Variants in KCNB2 observed in about 807,000 individuals in gnomAD.
KCNB2 encodes the protein potassium voltage-gated channel subfamily B member 2.
Under a neutral mutation model 61.5 loss-of-function variants are expected in KCNB2, and 15 were observed. The observed-to-expected ratio is 0.24, with a 90% confidence interval of 0.16 to 0.38. The LOEUF (loss-of-function observed/expected upper bound fraction) is 0.38. Among genes scored for constraint, KCNB2 ranks in the 10% least tolerant of loss-of-function variants. KCNB2 has a pLI of 1.00. For synonymous variants in KCNB2, 457 were observed against 446.0 expected (o/e 1.02, Z -0.31); for missense variants, 828 against 1,125.2 (o/e 0.74, Z 3.78).
At chr8:72,637,159 A>T (rs1431711061) in intron 2 of KCNB2, among the ~76,000 whole-genome samples, 2 of 152,276 alleles carry the variant, frequency 1.3e-5, no homozygotes, top group Middle Eastern at 3.4e-3. Flanking sequence ...CCTCTGACTC[A>T]GTTTCTGCTA....
intron 2 of KCNB2, among the ~76,000 whole-genome samples, chr8:72,817,778 A>C (rs2958422): frequency 0.092 from 14,029 of 152,196 alleles, 1,153 homozygotes; most frequent in East Asian, 0.48. Context: ...AAACAAGTGA[A>C]GGCAATGGCT....
At chr8:72,788,620 C>G (rs1808882146) in intron 2 of KCNB2, among the ~76,000 whole-genome samples, 2 of 151,992 alleles carry the variant, frequency 1.3e-5, no homozygotes, top group Admixed American at 1.3e-4. Flanking sequence ...GCAGAAATGA[C>G]CCGTCATGAA....
chr8:72,595,121 A>G (rs1012103945), intron 2 of KCNB2, among the ~76,000 whole-genome samples: 1 of 151,988 alleles, frequency 6.6e-6, no homozygotes, highest in African/African-American at 2.4e-5. Context: ...TCTTGCCATT[A>G]GCAACAAGTC....
At position 72,936,048 on chromosome 8, in the gene KCNB2, C is replaced by A. The variant is rs761005146; in HGVS notation, c.693C>A (p.Arg231=). 6.2e-7 allele frequency: 1 copy of A among 1,614,180 alleles called. No homozygotes were observed. The highest frequency in any genetic ancestry group is 2.2e-5 in the East Asian group (1 of 44,874). The change falls in exon 3 of 3, where the codon CGC becomes CGA. Residue 231 remains arginine, a synonymous_variant. Transcript: ENST00000523207. This position sits in a 1 kb window ranked among gnomAD's most constrained non-coding sequence, Gnocchi z 5.6. ...TDEFGQLNDN[R]QLAHVEAVCI... is the part of the protein sequence containing the mutation. ...AATTTGGACAACTCAATGACAACCG[C>A]CAATTAGCACACGTGGAGGCTGTGT...
chr8:72,825,910 T>C (rs1809588737), intron 2 of KCNB2, among the ~76,000 whole-genome samples: 1 of 152,186 alleles, frequency 6.6e-6, no homozygotes, highest in East Asian at 1.9e-4. Context: ...TATAGTCCAA[T>C]GTATCTATTT....
intron 2 of KCNB2, among the ~76,000 whole-genome samples, chr8:72,692,676 CT>C (rs1256440574): frequency 6.6e-5 from 10 of 151,808 alleles, no homozygotes; most frequent in African/African-American, 2.4e-4. Context: ...TATAAGACAG[CT>C]TTTATATTTC....
chr8:72,683,107 A>G (rs951718368), intron 2 of KCNB2, among the ~76,000 whole-genome samples: 7 of 152,222 alleles, frequency 4.6e-5, no homozygotes, highest in Non-Finnish European at 1.0e-4. Context: ...AACAGTGTTT[A>G]TCCTGGCATA....
intron 2 of KCNB2, among the ~76,000 whole-genome samples, chr8:72,772,915 C>G (rs778562010): frequency 1.3e-5 from 2 of 152,190 alleles, no homozygotes; most frequent in African/African-American, 2.4e-5. Flanking sequence ...TCTGAGATGT[C>G]AGCTAAGGCA....
At chr8:72,857,392 T>A (rs539393230) in intron 2 of KCNB2, among the ~76,000 whole-genome samples, 4 of 152,264 alleles carry the variant, frequency 2.6e-5, no homozygotes, top group East Asian at 1.9e-4. Context: ...TTGCATATAG[T>A]TATCTTGGCT....
intron 2 of KCNB2, among the ~76,000 whole-genome samples, chr8:72,861,235 AAAG>A (rs1261028192): frequency 1.3e-5 from 2 of 152,212 alleles, no homozygotes; most frequent in Non-Finnish European, 2.9e-5. Context: ...TCCCCAATGG[AAAG>A]AAATCAAAAT....
intron 1 of KCNB2, among the ~76,000 whole-genome samples, chr8:72,562,642 C>T (rs916061719): frequency 6.6e-6 from 1 of 152,134 alleles, no homozygotes; most frequent in Non-Finnish European, 1.5e-5. Context: ...AACAAAAGTG[C>T]CTTCTGTTTA....
intron 1 of KCNB2, among the ~76,000 whole-genome samples, chr8:72,566,361 G>A (rs973567911): frequency 2.0e-5 from 3 of 152,134 alleles, no homozygotes; most frequent in African/African-American, 4.8e-5. Context: ...TGGTTTTTAG[G>A]TGGACAAAAC....
rs79149032 is a variant in KCNB2 at position 72,916,381 on chromosome 8, C to T, written c.580-19554C>T. On this transcript the variant is annotated intron_variant, in intron 2 of 2. Coordinates refer to ENST00000523207, the MANE Select transcript of KCNB2 (RefSeq NM_004770.3). ...AGGAGCAGACTCCACTTGCTTGGTCCCGCTGTGTTCCACCCCCTCACGGGA... is the reference window on the plus strand; with the variant it reads ...AGGAGCAGACTCCACTTGCTTGGTCTCGCTGTGTTCCACCCCCTCACGGGA... 7.6e-3 allele frequency among the ~76,000 whole-genome samples: 1,161 copies of T among 152,186 alleles called. 9 individuals are homozygous for T. Among genetic ancestry groups the T allele is most frequent in the Non-Finnish European group, 0.013 (901 of 67,990 alleles).
intron 2 of KCNB2, among the ~76,000 whole-genome samples, chr8:72,734,485 G>A (rs550622492): frequency 6.6e-5 from 10 of 152,292 alleles, no homozygotes; most frequent in African/African-American, 2.4e-4. Context: ...ATTTTTTAAA[G>A]AATTGTCTGA....
intron 2 of KCNB2, among the ~76,000 whole-genome samples, chr8:72,873,429 CA>C (rs1378416755): frequency 6.6e-6 from 1 of 152,190 alleles, no homozygotes; most frequent in African/African-American, 2.4e-5. Context: ...TTAAAAACAG[CA>C]ATAGAAAACC....
intron 1 of KCNB2, among the ~76,000 whole-genome samples, chr8:72,559,859 A>G (rs1224061002): frequency 6.6e-6 from 1 of 152,220 alleles, no homozygotes; most frequent in Non-Finnish European, 1.5e-5. Context: ...ATAGACAACT[A>G]GAGATCTGGG....
chr8:72,569,163 G>T (rs1007097912), intron 2 of KCNB2, among the ~76,000 whole-genome samples: 4 of 152,126 alleles, frequency 2.6e-5, no homozygotes, highest in African/African-American at 9.7e-5. Flanking sequence ...CTGTATTGCA[G>T]TATGAATGAT....
chr8:72,773,165 A>G (rs901122933), intron 2 of KCNB2, among the ~76,000 whole-genome samples: 15 of 152,314 alleles, frequency 9.8e-5, no homozygotes, highest in African/African-American at 3.4e-4. Flanking sequence ...TGTTCTAGAC[A>G]GCACTGCTTA....
chr8:72,937,709 C>T lies in KCNB2; in HGVS notation c.2354C>T (p.Ser785Phe), dbSNP rs750539336. Reference protein sequence around the residue: ...APCQGPSKGLSPRFPKQKLFP... With the variant: ...APCQGPSKGLFPRFPKQKLFP... ...TGTCAGGGACCTTCCAAAGGGCTGT[C>T]CCCCAGGTTTCCCAAGCAGAAACTG... The change falls in exon 3 of 3, where the codon TCC becomes TTC. Residue 785 changes from serine (S) to phenylalanine (F), a missense_variant. This residue lies in a region of KCNB2 where 559 missense variants were observed against 588.4 expected (regional missense o/e 0.95). Coordinates refer to ENST00000523207, the MANE Select transcript of KCNB2 (RefSeq NM_004770.3). 2.5e-6 allele frequency: 4 copies of T among 1,613,790 alleles called. No individual in the cohort carries two copies. Among genetic ancestry groups the T allele is most frequent in the South Asian group, 2.2e-5 (2 of 91,078 alleles).
Sources: gnomAD v4.1 joint callset for allele counts (sites outside exome capture counted in the v4.1 genomes callset) on GRCh38, gnomAD v4.1.1 for gene constraint, gnomAD v4.1.1 regional missense constraint, Gnocchi (gnomAD v3.1) non-coding constraint, MANE v1.5 for transcripts, NCBI Gene and HGNC (gene_info 2026-07-23, HGNC 2026-07-21) for gene names.